The following ITGA11 variants were observed in gnomAD, a reference collection of about 807,000 sequenced individuals.
The protein encoded by ITGA11 is integrin subunit alpha 11.
Under a neutral mutation model 141.9 loss-of-function variants are expected in ITGA11, and 97 were observed. The observed-to-expected ratio is 0.68, with a 90% confidence interval of 0.58 to 0.81. The LOEUF (loss-of-function observed/expected upper bound fraction) is 0.81, where lower values mean the gene tolerates loss of function less well. Among genes scored for constraint, ITGA11 ranks in the 30% least tolerant of loss-of-function variants. The pLI, the probability that ITGA11 is intolerant of heterozygous loss-of-function variation, is 0.00. For synonymous variants in ITGA11, 658 were observed against 624.6 expected (o/e 1.05, Z -0.80); for missense variants, 1,387 against 1,559.2 (o/e 0.89, Z 1.86).
intron 24 of ITGA11, among the ~76,000 whole-genome samples, 187 bp downstream of exon 24, chr15:68,312,586 T>G (rs1893425880): frequency 6.6e-6 from 1 of 152,196 alleles, no homozygotes; most frequent in African/African-American, 2.4e-5. Context: ...TGCAGTCCAG[T>G]TGTTTTTCAA....
At chr15:68,354,135 C>T (rs1894997515) in intron 7 of ITGA11, among the ~76,000 whole-genome samples, 1 of 152,156 alleles carries the variant, frequency 6.6e-6, no homozygotes, top group Non-Finnish European at 1.5e-5. Flanking sequence ...ACTCCATTCT[C>T]CCCATAGCTT....
At chr15:68,418,497 C>T (rs550652337) in intron 1 of ITGA11, among the ~76,000 whole-genome samples, 14 of 152,256 alleles carry the variant, frequency 9.2e-5, no homozygotes, top group South Asian at 4.2e-4. Flanking sequence ...ACACAGGACT[C>T]GATGCTTTAA....
chr15:68,347,818 C>T (rs1403462121), intron 10 of ITGA11, among the ~76,000 whole-genome samples: 2 of 152,148 alleles, frequency 1.3e-5, no homozygotes, highest in African/African-American at 2.4e-5. Flanking sequence ...GAGAGGGCAA[C>T]AGGATGACAG....
rs1345229533 is a variant in ITGA11, at chr15:68,331,093, G to A, written c.1789C>T (p.Leu597=). 6.3e-7 allele frequency: 1 copy of A among 1,599,816 alleles called. No homozygotes were observed. The highest frequency in any genetic ancestry group is 1.1e-5 in the South Asian group (1 of 88,346). Residue 597 remains leucine (L), a synonymous_variant, in exon 15 of 30, where the codon CTG becomes TTG. Transcript: ENST00000315757. ...CCAAAATACTGGAGGCCGGTAGCCA[G>A]CTCTGAGGCTGTGATTCTCTGCAGG... is the stretch of plus-strand genomic sequence containing the variant. The part of the protein sequence containing the change: ...TPKQRITASE[L]ATGLQYFGCS...
intron 2 of ITGA11, among the ~76,000 whole-genome samples, chr15:68,383,365 C>T (rs1349841006): frequency 6.6e-6 from 1 of 151,942 alleles, no homozygotes; most frequent in East Asian, 1.9e-4. Context: ...TTTATCCAAG[C>T]CTGCAGAAAA....
chr15:68,367,037 A>G (rs930249649), intron 3 of ITGA11, among the ~76,000 whole-genome samples: 1 of 152,148 alleles, frequency 6.6e-6, no homozygotes, highest in African/African-American at 2.4e-5. Flanking sequence ...AAACTGACAG[A>G]TGTTCTTTCT....
At position 68,396,965 on chromosome 15, in the gene ITGA11, A is replaced by AT. The variant is rs1380348350; in HGVS notation, c.164+5952_164+5953insA. Among the ~76,000 whole-genome samples the AT allele has an allele frequency of 1.1e-3, 6 of 5,230 alleles. 2 individuals are homozygous for AT. Among genetic ancestry groups the AT allele is most frequent in the African/African-American group, 4.9e-3 (5 of 1,028 alleles). The allele number at this position is 5,230 out of a possible 152,430, so 3.4% of individuals were successfully genotyped here. On this transcript the variant is annotated intron_variant, in intron 2 of 29. Transcript: ENST00000315757. The stretch of plus-strand genomic sequence containing the variant: ...TATTATATATTATTTATTATATAAT[A>AT]AATAATATATTATATATTATTTATT...
At chr15:68,366,691 C>T (rs901620776) in intron 3 of ITGA11, among the ~76,000 whole-genome samples, 15 of 152,190 alleles carry the variant, frequency 9.9e-5, no homozygotes, top group African/African-American at 3.4e-4. Flanking sequence ...CTTTGCCCAA[C>T]CCCTCTGTGA....
chr15:68,421,729 G>A (rs1198910644), intron 1 of ITGA11, among the ~76,000 whole-genome samples: 2 of 150,750 alleles, frequency 1.3e-5, no homozygotes, highest in Non-Finnish European at 3.0e-5. Flanking sequence ...GAGGGGCTGG[G>A]TTTCAGATGG....
At chr15:68,381,194 C>T (rs1295733550) in intron 2 of ITGA11, among the ~76,000 whole-genome samples, 1 of 152,192 alleles carries the variant, frequency 6.6e-6, no homozygotes, top group East Asian at 1.9e-4. Context: ...CAGGCACCAC[C>T]TCTAGAGGGT....
At chr15:68,370,893 T>C (rs79545304) in intron 2 of ITGA11, among the ~76,000 whole-genome samples, 12,289 of 152,132 alleles carry the variant, frequency 0.081, 768 homozygotes, top group African/African-American at 0.17. Context: ...GCATGGCACT[T>C]AAGTGGCTTC....
chr15:68,336,592 C>T (rs1466252543), intron 11 of ITGA11, among the ~76,000 whole-genome samples: 2 of 152,172 alleles, frequency 1.3e-5, no homozygotes, highest in African/African-American at 2.4e-5. Context: ...AGCAAATGTG[C>T]AGCAACTTCA....
chr15:68,405,882 GCA>G (rs1896641068), intron 1 of ITGA11, among the ~76,000 whole-genome samples: 1 of 152,008 alleles, frequency 6.6e-6, no homozygotes, highest in African/African-American at 2.4e-5. Context: ...ACATGCACAC[GCA>G]CACAGATATA....
chr15:68,421,439 G>A lies in ITGA11; in HGVS notation c.52+10576C>T, dbSNP rs538558695. On this transcript the variant is annotated intron_variant, in intron 1 of 29. Coordinates refer to ENST00000315757, the MANE Select transcript of ITGA11 (RefSeq NM_001004439.2). ...TCAGAGTAAGCGGGGAGCCCTGGAG[G>A]GTTTGGAGCGGAGCAGGGACATGAC... Among the ~76,000 whole-genome samples the A allele has an allele frequency of 2.0e-5, 3 of 152,276 alleles. No homozygotes were observed. The South Asian group carries it at 6.2e-4, about 32-fold the overall frequency.
At chr15:68,365,139 A>C (rs1300925769) in intron 3 of ITGA11, 1 of 985,200 alleles carries the variant, frequency 1.0e-6, no homozygotes, top group African/African-American at 1.7e-5. Context: ...ATGCCATGGC[A>C]TCCCACCTGG....
intron 10 of ITGA11, among the ~76,000 whole-genome samples, chr15:68,341,774 C>T (rs1894580803): frequency 2.0e-5 from 3 of 152,216 alleles, no homozygotes; most frequent in Admixed American, 6.5e-5. Context: ...TGACAGGGAG[C>T]CCCTGTGATG....
At position 68,300,609 on chromosome 15, in the gene ITGA11, A is replaced by G. The variant is rs1014105388; in HGVS notation, c.*2450T>C. ...TATACTTCAGGGTAAATAGATTCAG[A>G]AAGGGAAACTTGATAACAAATTGAG... On this transcript the variant is annotated 3_prime_UTR_variant, in exon 30 of 30. Transcript: ENST00000315757. 2 of 152,228 alleles carry G rather than the reference A, an allele frequency of 1.3e-5. No individual in the cohort carries two copies. Among genetic ancestry groups the G allele is most frequent in the Non-Finnish European group, 2.9e-5 (2 of 68,040 alleles). The allele number at this position is 152,228 out of a possible 1,614,324, so 9.4% of individuals were successfully genotyped here.
chr15:68,369,776 G>A (rs542206189), intron 2 of ITGA11, among the ~76,000 whole-genome samples: 29 of 152,328 alleles, frequency 1.9e-4, no homozygotes, highest in Admixed American at 1.8e-3. Flanking sequence ...CCCAGAGTGG[G>A]TCAGGGTGGA....
At chr15:68,331,723 C>G in intron 14 of ITGA11, 136 bp downstream of exon 14, 3 of 779,072 alleles carry the variant, frequency 3.9e-6, no homozygotes, top group Non-Finnish European at 6.3e-6. Flanking sequence ...GGAAGCATGG[C>G]CAGGACAGAT....
Sources: allele counts gnomAD v4.1 joint callset (sites outside exome capture counted in the v4.1 genomes callset), GRCh38; gene constraint gnomAD v4.1.1; transcripts MANE v1.5; gene names NCBI Gene and HGNC (gene_info 2026-07-23, HGNC 2026-07-21).